Variants in GLI3 observed in about 807,000 individuals in gnomAD.
The protein encoded by GLI3 is transcription activator GLI3.
In GLI3, 20 loss-of-function variants were observed where a neutral mutation model predicts 100.8. The ratio of observed to expected loss-of-function variants is 0.20; its 90% confidence interval spans 0.14 to 0.29. The LOEUF (loss-of-function observed/expected upper bound fraction) is 0.29, where lower values mean the gene tolerates loss of function less well. GLI3 is among the 10% of genes least tolerant of loss of function. The pLI is 1.00. For synonymous variants in GLI3, 938 were observed against 860.5 expected (o/e 1.09, Z -1.58); for missense variants, 2,040 against 2,128.5 (o/e 0.96, Z 0.82).
rs61001793 is a variant in GLI3, at chr7:42,263,451, AT to A, written c.-43+542del. 9.0e-3 allele frequency among the ~76,000 whole-genome samples: 989 copies of A among 109,300 alleles called. 12 individuals are homozygous for A. The highest frequency in any genetic ancestry group is 0.037 in the African/African-American group (939 of 25,456). 71.7% of individuals were successfully genotyped at this position (109,300 alleles called of 152,430 possible). ...AACATCTTCTTACCTTATTTTATTT[AT>A]TTTTTTTTTTTGAAAAGGGGGTCTC... On this transcript the variant is annotated intron_variant, in intron 1 of 2. Transcript: ENST00000678978.
chr7:42,194,265 T>C (rs1215448488), intron 2 of GLI3, among the ~76,000 whole-genome samples: 1 of 152,174 alleles, frequency 6.6e-6, no homozygotes. Context: ...AATTAATTAA[T>C]GAAACAGACT....
intron 3 of GLI3, among the ~76,000 whole-genome samples, chr7:42,130,482 A>T (rs1185752146): frequency 2.0e-5 from 3 of 152,242 alleles, no homozygotes; most frequent in Non-Finnish European, 4.4e-5. Context: ...TCAATAAAAG[A>T]TTTCTTAAAG....
chr7:41,983,854 A>G (rs1223817860), intron 10 of GLI3, among the ~76,000 whole-genome samples: 2 of 152,190 alleles, frequency 1.3e-5, no homozygotes, highest in Admixed American at 6.5e-5. Context: ...TGGGGCTCCA[A>G]GCATTAGCCT....
chr7:42,087,591 G>A (rs1000408435), intron 3 of GLI3, among the ~76,000 whole-genome samples: 5 of 152,110 alleles, frequency 3.3e-5, no homozygotes, highest in Admixed American at 3.3e-4. Flanking sequence ...GTGAATTCAG[G>A]ATACTTGATC....
intron 3 of GLI3, among the ~76,000 whole-genome samples, chr7:42,098,073 T>G (rs1785380573): frequency 1.3e-5 from 2 of 152,082 alleles, no homozygotes; most frequent in Admixed American, 1.3e-4. Context: ...AGTGAGGACC[T>G]AAAGCCACAG....
intron 2 of GLI3, among the ~76,000 whole-genome samples, chr7:42,219,959 T>C (rs1219661564): frequency 2.0e-5 from 3 of 151,238 alleles, no homozygotes; most frequent in Non-Finnish European, 4.4e-5. Context: ...ATTCACGCCA[T>C]TCTCCTGCCT....
intron 2 of GLI3, among the ~76,000 whole-genome samples, chr7:42,188,408 C>T (rs1005657047): frequency 6.6e-6 from 1 of 152,126 alleles, no homozygotes; most frequent in Non-Finnish European, 1.5e-5. Context: ...GTATTAAACC[C>T]TTAACATGTA....
intron 2 of GLI3, among the ~76,000 whole-genome samples, chr7:42,221,263 T>A (rs1788482027): frequency 6.6e-6 from 1 of 152,152 alleles, no homozygotes; most frequent in African/African-American, 2.4e-5. Context: ...GAAGACCTCC[T>A]GAGAATGTGT....
intron 1 of GLI3, among the ~76,000 whole-genome samples, chr7:42,253,900 G>A (rs949966622): frequency 1.3e-5 from 2 of 152,124 alleles, no homozygotes; most frequent in African/African-American, 4.8e-5. Context: ...TAAGGCAAAG[G>A]CGAGTCACTG....
At chr7:42,138,921 C>T (rs1211687881) in intron 3 of GLI3, among the ~76,000 whole-genome samples, 4 of 152,204 alleles carry the variant, frequency 2.6e-5, no homozygotes, top group Non-Finnish European at 5.9e-5. Flanking sequence ...GAGCATGGCA[C>T]AAGTCTCCTC....
rs1787101088 is a variant in GLI3 at position 41,964,436 on chromosome 7, G to C, written c.4637C>G (p.Pro1546Arg). 2.5e-6 allele frequency: 4 copies of C among 1,613,994 alleles called. No homozygotes were observed. The highest frequency in any genetic ancestry group is 1.7e-5 in the Admixed American group (1 of 60,010). ...SRLTTPRASLPFPALSMSTTN... is the reference protein window; with the variant it reads ...SRLTTPRASLRFPALSMSTTN... ...GGTGCTCATGGACAGCGCTGGGAATGGGAGGGACGCCCGAGGCGTGGTGAG... is the reference window on the plus strand; with the variant it reads ...GGTGCTCATGGACAGCGCTGGGAATCGGAGGGACGCCCGAGGCGTGGTGAG... The change falls in exon 15 of 15, where the codon CCA (proline) becomes CGA (arginine). Residue 1546 changes from proline (P) to arginine (R), a missense_variant. Around this residue, in one of 5 missense-constraint regions of GLI3, gnomAD observed 1,041 missense variants for 924.0 expected, o/e 1.13. Coordinates refer to ENST00000395925, the MANE Select transcript of GLI3 (RefSeq NM_000168.6).
chr7:42,198,004 C>A (rs1787964196), intron 2 of GLI3, among the ~76,000 whole-genome samples: 2 of 152,172 alleles, frequency 1.3e-5, no homozygotes, highest in Non-Finnish European at 2.9e-5. Context: ...TCTGCAAACG[C>A]ATCTTAACCC....
intron 6 of GLI3, among the ~76,000 whole-genome samples, chr7:42,041,153 C>G (rs1784128851): frequency 6.6e-6 from 1 of 152,186 alleles, no homozygotes; most frequent in African/African-American, 2.4e-5. Flanking sequence ...GGCATTTTAG[C>G]TCTTCTCTGG....
Position 42,086,388 on chromosome 7 carries a change from T to C in GLI3, c.368-9531A>G, listed in dbSNP as rs116231749. On this transcript the variant is annotated intron_variant, in intron 3 of 14. Coordinates refer to ENST00000395925, the MANE Select transcript of GLI3 (RefSeq NM_000168.6). ...ACACAACAATGTCAGAGTTAAGGCT[T>C]TTTATCATAGCTTATCTAAACTATA... Among the ~76,000 whole-genome samples the C allele has an allele frequency of 8.8e-3, 1,333 of 152,214 alleles. 25 individuals carry two copies. The highest frequency in any genetic ancestry group is 0.031 in the African/African-American group (1,267 of 41,538).
chr7:41,979,098 A>C (rs1227448287), intron 10 of GLI3, among the ~76,000 whole-genome samples: 1 of 152,180 alleles, frequency 6.6e-6, no homozygotes, highest in African/African-American at 2.4e-5. Flanking sequence ...GACCTTTCTG[A>C]ATCTCTGTCA....
intron 3 of GLI3, among the ~76,000 whole-genome samples, chr7:42,111,752 G>C (rs2128766766): frequency 6.6e-6 from 1 of 152,312 alleles, no homozygotes; most frequent in East Asian, 1.9e-4. Context: ...TCTTTCCTCA[G>C]CTCGCTCTCT....
chr7:42,038,415 G>A (rs1784064526), intron 7 of GLI3, among the ~76,000 whole-genome samples: 1 of 152,214 alleles, frequency 6.6e-6, no homozygotes, highest in Non-Finnish European at 1.5e-5. Flanking sequence ...CATTCTTCCT[G>A]TATAGAGGGT....
At chr7:42,241,777 C>G (rs556004443), upstream of GLI3, among the ~76,000 whole-genome samples, 2 of 152,302 alleles carry the variant, frequency 1.3e-5, no homozygotes, top group African/African-American at 4.8e-5. Flanking sequence ...CTAAAACCCT[C>G]TCTTTGGATT....
rs1583751732 is a variant in GLI3 at position 41,980,918 on chromosome 7, T to C, written c.1498-2170A>G. 2.0e-5 allele frequency among the ~76,000 whole-genome samples: 3 copies of C among 152,152 alleles called. No individual in the cohort carries two copies. In the East Asian group the frequency reaches 5.8e-4, roughly 29 times the overall value. ...GGTCATGGCTTAAATTACTATACAA[T>C]TACAGTTGTGATAGGCATTATGAAG... On this transcript the variant is annotated intron_variant, in intron 10 of 14. Coordinates refer to ENST00000395925, the MANE Select transcript of GLI3 (RefSeq NM_000168.6).
Sources: allele counts gnomAD v4.1 joint callset (sites outside exome capture counted in the v4.1 genomes callset), GRCh38; gene constraint gnomAD v4.1.1; regional missense constraint gnomAD v4.1.1; transcripts MANE v1.5; gene names NCBI Gene and HGNC (gene_info 2026-07-23, HGNC 2026-07-21).